TMPRSS15: variants seen among roughly 807,000 people sequenced by gnomAD.
TMPRSS15 encodes enteropeptidase.
In TMPRSS15, 128 loss-of-function variants were observed where a neutral mutation model predicts 125.3. The observed-to-expected ratio is 1.02, with a 90% CI of 0.89 to 1.18. The LOEUF is 1.18. TMPRSS15 is among the 50% of genes most tolerant of loss of function. TMPRSS15 has a pLI of 0.00. For synonymous variants in TMPRSS15, 446 were observed against 423.2 expected (o/e 1.05, Z -0.66); for missense variants, 1,283 against 1,212.7 (o/e 1.06, Z -0.86).
intron 1 of TMPRSS15, among the ~76,000 whole-genome samples, chr21:18,469,640 A>T (rs1476575349): frequency 2.0e-5 from 3 of 152,026 alleles, no homozygotes; most frequent in African/African-American, 7.2e-5. Context: ...ACAATACAAG[A>T]GCCACATATC....
At chr21:18,469,276 CT>C in intron 1 of TMPRSS15, among the ~76,000 whole-genome samples, 1 of 152,146 alleles carries the variant, frequency 6.6e-6, no homozygotes, top group South Asian at 2.1e-4. Context: ...TAAATTTAGG[CT>C]TTGGGCTTTA....
At chr21:18,402,108 T>C (rs1271436825) in intron 1 of TMPRSS15, among the ~76,000 whole-genome samples, 1 of 152,214 alleles carries the variant, frequency 6.6e-6, no homozygotes, top group Non-Finnish European at 1.5e-5. Context: ...AGTTTTTAAA[T>C]AGACCAGGAA....
At chr21:18,374,221 C>T (rs1193486603) in intron 5 of TMPRSS15, among the ~76,000 whole-genome samples, 4 of 151,980 alleles carry the variant, frequency 2.6e-5, no homozygotes, top group African/African-American at 9.7e-5. Context: ...CGCCTGTAAT[C>T]CCAGCACTTT....
At chr21:18,412,857 G>A (rs2076169509) in intron 1 of TMPRSS15, among the ~76,000 whole-genome samples, 1 of 152,118 alleles carries the variant, frequency 6.6e-6, no homozygotes, top group East Asian at 1.9e-4. Context: ...CATGACCCTG[G>A]TAAAATTGGT....
intron 1 of TMPRSS15, among the ~76,000 whole-genome samples, chr21:18,419,723 A>G (rs1426440308): frequency 6.6e-6 from 1 of 152,154 alleles, no homozygotes; most frequent in African/African-American, 2.4e-5. Flanking sequence ...CTTCACTGAC[A>G]TGAAACTTAG....
At chr21:18,315,849 A>C (rs1271997100) in intron 16 of TMPRSS15, among the ~76,000 whole-genome samples, 1 of 138,026 alleles carries the variant, frequency 7.2e-6, no homozygotes, top group Non-Finnish European at 1.6e-5. Flanking sequence ...ATAATAAAAT[A>C]TATATATATA....
chr21:18,365,891 C>T (rs1368737998), intron 6 of TMPRSS15, among the ~76,000 whole-genome samples: 1 of 151,340 alleles, frequency 6.6e-6, no homozygotes, highest in Non-Finnish European at 1.5e-5. Context: ...GCGGTCACCA[C>T]GCCCGGATAA....
Position 18,362,707 on chromosome 21 carries a change from A to T in TMPRSS15, c.773+2433T>A, listed in dbSNP as rs79374529. On this transcript the variant is annotated intron_variant, in intron 7 of 24. Transcript: ENST00000284885. ...GTGTCAGTAGTTAATATTTTTATAGACCACTTTTATTGAGCATTTAATATG... is the reference window on the plus strand; with the variant it reads ...GTGTCAGTAGTTAATATTTTTATAGTCCACTTTTATTGAGCATTTAATATG... Among the ~76,000 whole-genome samples, 1,465 of 152,210 alleles carry T rather than the reference A, an allele frequency of 9.6e-3. 25 individuals carry two copies. Among genetic ancestry groups the T allele is most frequent in the African/African-American group, 0.032 (1,337 of 41,516 alleles).
intron 1 of TMPRSS15, among the ~76,000 whole-genome samples, chr21:18,412,299 C>T (rs2076167988): frequency 6.6e-6 from 1 of 152,162 alleles, no homozygotes; most frequent in African/African-American, 2.4e-5. Flanking sequence ...GCTATCATCA[C>T]CAAAGTGTTA....
At chr21:18,454,921 G>A (rs1327647209) in intron 1 of TMPRSS15, among the ~76,000 whole-genome samples, 1 of 152,088 alleles carries the variant, frequency 6.6e-6, no homozygotes, top group Non-Finnish European at 1.5e-5. Flanking sequence ...AACTATCACA[G>A]TATGTGATAT....
chr21:18,286,407 G>A (rs534395333), intron 21 of TMPRSS15, among the ~76,000 whole-genome samples: 2 of 152,240 alleles, frequency 1.3e-5, no homozygotes, highest in South Asian at 4.2e-4. Context: ...TCCATAGGCT[G>A]ACATCATTGG....
intron 21 of TMPRSS15, among the ~76,000 whole-genome samples, chr21:18,285,008 A>C (rs1250052978): frequency 6.6e-6 from 1 of 152,078 alleles, no homozygotes; most frequent in Non-Finnish European, 1.5e-5. Flanking sequence ...CCCAAAAAAA[A>C]AAAAGAGAAA....
intron 1 of TMPRSS15, among the ~76,000 whole-genome samples, chr21:18,402,681 T>A (rs924915536): frequency 6.6e-6 from 1 of 152,296 alleles, no homozygotes; most frequent in South Asian, 2.1e-4. Flanking sequence ...ACCCTATAAA[T>A]GAATAAGTGG....
At chr21:18,291,504 C>T (rs982059007) in intron 21 of TMPRSS15, among the ~76,000 whole-genome samples, 16 of 152,156 alleles carry the variant, frequency 1.1e-4, no homozygotes, top group Non-Finnish European at 1.5e-5. Context: ...GTTAAAATAC[C>T]TGGAACAGGT....
At chr21:18,272,477 A>ACTT (rs1395414598) in intron 24 of TMPRSS15, among the ~76,000 whole-genome samples, 1 of 152,138 alleles carries the variant, frequency 6.6e-6, no homozygotes, top group Admixed American at 6.5e-5. Context: ...TGATCACAGC[A>ACTT]CTTTGGGAGG....
At chr21:18,478,380 A>T (rs1978919073) in intron 1 of TMPRSS15, among the ~76,000 whole-genome samples, 1 of 151,966 alleles carries the variant, frequency 6.6e-6, no homozygotes, top group Admixed American at 6.6e-5. Context: ...TGTTTAAGAC[A>T]ACTTTTCATT....
At chr21:18,379,644 T>A (rs1030661992) in intron 4 of TMPRSS15, among the ~76,000 whole-genome samples, 1 of 152,094 alleles carries the variant, frequency 6.6e-6, no homozygotes, top group African/African-American at 2.4e-5. Flanking sequence ...ACGTAAATGT[T>A]CCAGGTTAAT....
At chr21:18,429,023 C>T (rs1001285685) in intron 1 of TMPRSS15, among the ~76,000 whole-genome samples, 2 of 152,166 alleles carry the variant, frequency 1.3e-5, no homozygotes, top group African/African-American at 4.8e-5. Flanking sequence ...CTGCCCAAGA[C>T]CATGGGAACC....
chr21:18,353,876 A>G lies in TMPRSS15; in HGVS notation c.881-13T>C. On this transcript the variant is annotated splice_polypyrimidine_tract_variant and intron_variant, in intron 8 of 24. Transcript: ENST00000284885. The stretch of plus-strand genomic sequence containing the variant: ...TCCCAAATAGAAGCTACAAAATAAA[A>G]TAAACAACTGTTATATGTATATATC... The G allele has an allele frequency of 6.2e-7, 1 of 1,606,624 alleles. No individual in the cohort carries two copies. The highest frequency in any genetic ancestry group is 8.5e-7 in the Non-Finnish European group (1 of 1,174,058).
Sources: gnomAD v4.1 joint callset for allele counts (sites outside exome capture counted in the v4.1 genomes callset) on GRCh38, gnomAD v4.1.1 for gene constraint, MANE v1.5 for transcripts, NCBI Gene and HGNC (gene_info 2026-07-23, HGNC 2026-07-21) for gene names.